LMOD1: variants seen among roughly 807,000 people sequenced by gnomAD.
The protein encoded by LMOD1 is leiomodin-1.
A neutral mutation model predicts 36.5 loss-of-function variants in LMOD1; 8 were observed. The ratio of observed to expected loss-of-function variants is 0.22; its 90% CI spans 0.13 to 0.40. LMOD1 has a LOEUF of 0.40. Ranked by LOEUF, LMOD1 falls within the 10% of genes least tolerant of loss-of-function variation. The pLI, the probability that LMOD1 is intolerant of heterozygous loss-of-function variation, is 1.00. For synonymous variants in LMOD1, 284 were observed against 288.7 expected (o/e 0.98, Z 0.17); for missense variants, 630 against 751.1 (o/e 0.84, Z 1.88).
intron 1 of LMOD1, among the ~76,000 whole-genome samples, chr1:201,934,772 T>C (rs539007304): frequency 4.6e-5 from 7 of 152,344 alleles, no homozygotes; most frequent in Admixed American, 2.0e-4. Flanking sequence ...TGTCTCACCT[T>C]ATTAAACCTC....
intron 1 of LMOD1, among the ~76,000 whole-genome samples, chr1:201,936,764 C>A (rs1010220726): frequency 6.6e-6 from 1 of 152,062 alleles, no homozygotes; most frequent in African/African-American, 2.4e-5. Flanking sequence ...TGGTGAAACC[C>A]CCTCCCTGCT....
intron 1 of LMOD1, among the ~76,000 whole-genome samples, chr1:201,942,982 A>C (rs1485938022): frequency 1.3e-5 from 2 of 152,222 alleles, no homozygotes. Context: ...AGCATCCACT[A>C]TCTAGTCAGG....
At chr1:201,925,297 A>T (rs569890015) in intron 1 of LMOD1, among the ~76,000 whole-genome samples, 1 of 152,254 alleles carries the variant, frequency 6.6e-6, no homozygotes, top group Non-Finnish European at 1.5e-5. Flanking sequence ...TGTCAAGTAG[A>T]TTAAAATTTA....
chr1:201,915,099 C>T (rs1681580280), intron 1 of LMOD1, among the ~76,000 whole-genome samples: 1 of 152,178 alleles, frequency 6.6e-6, no homozygotes, highest in Admixed American at 6.6e-5. Context: ...TCATATATTG[C>T]TCAAACTGCG....
chr1:201,940,010 C>T (rs1327192325), intron 1 of LMOD1, among the ~76,000 whole-genome samples: 2 of 152,120 alleles, frequency 1.3e-5, no homozygotes, highest in Non-Finnish European at 2.9e-5. Context: ...ATCCCTGAAG[C>T]CTCCAGCCTT....
At chr1:201,944,319 A>G (rs1682167114) in intron 1 of LMOD1, among the ~76,000 whole-genome samples, 1 of 152,174 alleles carries the variant, frequency 6.6e-6, no homozygotes, top group East Asian at 1.9e-4. Context: ...ATTTCCAGGA[A>G]CAGGAGAATC....
At chr1:201,915,209 G>C (rs1681583551) in intron 1 of LMOD1, among the ~76,000 whole-genome samples, 1 of 151,956 alleles carries the variant, frequency 6.6e-6, no homozygotes, top group Non-Finnish European at 1.5e-5. Context: ...CTCTCTGATA[G>C]CTCCTTTAGG....
At chr1:201,924,709 GAAAGAAAGAA>G (rs767821323) in intron 1 of LMOD1, among the ~76,000 whole-genome samples, 7,200 of 96,706 alleles carry the variant, frequency 0.074, 283 homozygotes, top group East Asian at 0.14. Flanking sequence ...AAGAAAGAAA[GAAAGAAAGAA>G]AGAAAGAAAG....
At chr1:201,918,322 C>T (rs1681643324) in intron 1 of LMOD1, among the ~76,000 whole-genome samples, 1 of 152,228 alleles carries the variant, frequency 6.6e-6, no homozygotes, top group South Asian at 2.1e-4. Flanking sequence ...TGCCTCCCCA[C>T]TGAACCCCCT....
chr1:201,930,860 C>T (rs1162373944), intron 1 of LMOD1, among the ~76,000 whole-genome samples: 2 of 151,986 alleles, frequency 1.3e-5, no homozygotes, highest in Non-Finnish European at 2.9e-5. Flanking sequence ...GTATTGGCAC[C>T]GAGGGAAATG....
Position 201,898,273 on chromosome 1 carries a change from G to A in LMOD1, c.*99C>T. ...CCATGGCAGAATAGGGACATCCACA[G>A]CAGGTCAGCCAGGGATGGGGTGGGC... On this transcript the variant is annotated 3_prime_UTR_variant, in exon 3 of 3. Coordinates refer to ENST00000367288, the MANE Select transcript of LMOD1 (RefSeq NM_012134.3). 2 of 1,233,418 alleles carry A rather than the reference G, an allele frequency of 1.6e-6. No homozygotes were observed. Among genetic ancestry groups the A allele is most frequent in the African/African-American group, 3.0e-5 (2 of 67,232 alleles). The allele number at this position is 1,233,418 out of a possible 1,614,324, so 76.4% of individuals were successfully genotyped here.
chr1:201,901,528 A>ATATG (rs1411275171), intron 1 of LMOD1, among the ~76,000 whole-genome samples: 52 of 41,090 alleles, frequency 1.3e-3, no homozygotes, highest in African/African-American at 5.3e-3. Flanking sequence ...ATATATATAT[A>ATATG]TGTATATATA....
In LMOD1 at chr1:201,900,490, C is replaced by T. The variant is rs1430221881; in HGVS notation, c.523G>A (p.Asp175Asn). ...AAVDKKEAGK[D>N]GRGEERAVAT... ...ACTGCCCTCTCCTCTCCTCTCCCATCCTTCCCTGCCTCCTTCTTATCCACT... is the reference window on the plus strand; with the variant it reads ...ACTGCCCTCTCCTCTCCTCTCCCATTCTTCCCTGCCTCCTTCTTATCCACT... Residue 175 changes from aspartate to asparagine, a missense_variant, in exon 2 of 3, where the codon GAT (aspartate) becomes AAT (asparagine). Physicochemically the swap from Asp to Asn is conservative, Grantham distance 23. This residue lies in a region of LMOD1 where 405 missense variants were observed against 400.6 expected (regional missense o/e 1.01). Coordinates refer to ENST00000367288, the MANE Select transcript of LMOD1 (RefSeq NM_012134.3). 1 of 1,613,648 alleles carries T rather than the reference C, an allele frequency of 6.2e-7. No individual in the cohort carries two copies. The highest frequency in any genetic ancestry group is 1.7e-5 in the Admixed American group (1 of 59,972).
intron 1 of LMOD1, among the ~76,000 whole-genome samples, chr1:201,927,042 G>A (rs1048082030): frequency 2.0e-5 from 3 of 151,984 alleles, no homozygotes; most frequent in African/African-American, 4.8e-5. Flanking sequence ...TTTTTCCCAC[G>A]TTTTGCATAC....
intron 1 of LMOD1, among the ~76,000 whole-genome samples, chr1:201,913,791 C>T (rs2102916037): frequency 6.6e-6 from 1 of 152,246 alleles, no homozygotes; most frequent in Middle Eastern, 3.4e-3. Context: ...AATTTGAATT[C>T]AGAGTTTCCT....
intron 1 of LMOD1, among the ~76,000 whole-genome samples, chr1:201,941,835 C>G (rs1372403712): frequency 6.6e-6 from 1 of 152,212 alleles, no homozygotes; most frequent in Non-Finnish European, 1.5e-5. Flanking sequence ...GCTCAGCTGC[C>G]CTGACCCTGG....
At chr1:201,925,386 C>T (rs1461186639) in intron 1 of LMOD1, among the ~76,000 whole-genome samples, 1 of 152,186 alleles carries the variant, frequency 6.6e-6, no homozygotes, top group African/African-American at 2.4e-5. Flanking sequence ...TCTTCAGACC[C>T]AAGGCATTAG....
intron 1 of LMOD1, among the ~76,000 whole-genome samples, chr1:201,913,103 G>C (rs1681541762): frequency 6.6e-6 from 1 of 152,158 alleles, no homozygotes; most frequent in South Asian, 2.1e-4. Context: ...CACTGGGCCA[G>C]AGGTGGGAAG....
chr1:201,935,500 T>C (rs552531778), intron 1 of LMOD1, among the ~76,000 whole-genome samples: 1 of 152,254 alleles, frequency 6.6e-6, no homozygotes. Context: ...TGGCCGGTCA[T>C]GGTAGTTCAC....
Sources: allele counts gnomAD v4.1 joint callset (sites outside exome capture counted in the v4.1 genomes callset), GRCh38; gene constraint gnomAD v4.1.1; regional missense constraint gnomAD v4.1.1; transcripts MANE v1.5; gene names NCBI Gene and HGNC (gene_info 2026-07-23, HGNC 2026-07-21).